ANTXR2: variants seen among roughly 807,000 people sequenced by gnomAD.
ANTXR2 encodes anthrax toxin receptor 2.
In ANTXR2, 44 loss-of-function variants were observed where a neutral mutation model predicts 73.7. That is an observed-to-expected ratio of 0.60 (90% CI 0.47 to 0.77). The LOEUF (loss-of-function observed/expected upper bound fraction) is 0.77. Ranked by LOEUF, ANTXR2 falls within the 30% of genes least tolerant of loss-of-function variation. ANTXR2 has a pLI of 0.00. For synonymous variants in ANTXR2, 217 were observed against 205.9 expected (o/e 1.05, Z -0.46); for missense variants, 604 against 592.5 (o/e 1.02, Z -0.20).
At chr4:79,980,934 AAAAAAAAAG>A (rs1188711183) in intron 14 of ANTXR2, among the ~76,000 whole-genome samples, 4 of 149,596 alleles carry the variant, frequency 2.7e-5, no homozygotes, top group African/African-American at 4.9e-5. Context: ...AAAAAAAAAA[AAAAAAAAAG>A]AGAAGTACCT....
intron 13 of ANTXR2, among the ~76,000 whole-genome samples, 181 bp downstream of exon 13, chr4:79,984,638 A>G (rs1329725067): frequency 6.6e-6 from 1 of 152,148 alleles, no homozygotes; most frequent in African/African-American, 2.4e-5. Flanking sequence ...TGAAGTTCCC[A>G]TTCCTCTAGC....
chr4:79,989,616 T>C (rs567587118), intron 12 of ANTXR2, among the ~76,000 whole-genome samples: 1 of 152,184 alleles, frequency 6.6e-6, no homozygotes, highest in East Asian at 1.9e-4. Flanking sequence ...AAGGGACACC[T>C]CCATAACTCA....
chr4:80,058,744 G>A (rs886738848), intron 3 of ANTXR2, among the ~76,000 whole-genome samples: 1 of 151,672 alleles, frequency 6.6e-6, no homozygotes, highest in South Asian at 2.1e-4. Flanking sequence ...AGAAAGAAAG[G>A]TTATGTTATA....
chr4:79,990,383 C>CAAAAAAAAAAAAAAAAAAAAAAAA (rs70944757), intron 12 of ANTXR2, among the ~76,000 whole-genome samples: 3 of 76,930 alleles, frequency 3.9e-5, no homozygotes, highest in Non-Finnish European at 7.5e-5. Flanking sequence ...ACAACAGTTA[C>CAAAAAAAAAAAAAAAAAAAAAAAA]AAAAAAAAAA....
intron 7 of ANTXR2, among the ~76,000 whole-genome samples, chr4:80,054,022 C>A (rs192377434): frequency 4.6e-5 from 7 of 151,756 alleles, no homozygotes; most frequent in Non-Finnish European, 1.0e-4. Flanking sequence ...GTGTCTGAGA[C>A]TTAAAATCTT....
At chr4:80,064,916 G>T (rs560174370) in intron 3 of ANTXR2, among the ~76,000 whole-genome samples, 162 of 152,326 alleles carry the variant, frequency 1.1e-3, no homozygotes, top group Admixed American at 1.9e-3. Flanking sequence ...AAGCATGAGA[G>T]TGGAATATCG....
intron 16 of ANTXR2, among the ~76,000 whole-genome samples, chr4:79,974,433 G>A (rs1054224947): frequency 2.0e-5 from 3 of 152,102 alleles, no homozygotes; most frequent in African/African-American, 7.2e-5. Flanking sequence ...AAATAGCACA[G>A]AGTGGAAAAA....
intron 8 of ANTXR2, 146 bp downstream of exon 8, chr4:80,035,826 G>A: frequency 1.6e-6 from 1 of 641,988 alleles, no homozygotes; most frequent in Non-Finnish European, 2.7e-6. Context: ...AATATTTCAA[G>A]GAATTATTTA....
At chr4:80,071,901 C>T (rs1734806583) in intron 1 of ANTXR2, among the ~76,000 whole-genome samples, 1 of 151,966 alleles carries the variant, frequency 6.6e-6, no homozygotes, top group Non-Finnish European at 1.5e-5. Flanking sequence ...TGGGTAAATA[C>T]CTGCCTAATT....
intron 7 of ANTXR2, among the ~76,000 whole-genome samples, chr4:80,038,803 A>G (rs1733100671): frequency 6.6e-6 from 1 of 152,080 alleles, no homozygotes; most frequent in African/African-American, 2.4e-5. Flanking sequence ...ATGTTATCTA[A>G]TTGAATTTCC....
At chr4:79,979,694 G>A (rs897828121) in intron 14 of ANTXR2, among the ~76,000 whole-genome samples, 20 of 152,130 alleles carry the variant, frequency 1.3e-4, no homozygotes, top group African/African-American at 4.8e-4. Flanking sequence ...GAGCTAGATA[G>A]TTGGCTTTCT....
chr4:80,055,256 A>T (rs1733939058), intron 5 of ANTXR2, 38 bp from the exon 6 acceptor site: 2 of 1,549,760 alleles, frequency 1.3e-6, no homozygotes, highest in South Asian at 2.3e-5. Flanking sequence ...AAAAAAAGAG[A>T]GGGGAGAGGG....
At chr4:79,954,148 G>A (rs150642411) in intron 16 of ANTXR2, among the ~76,000 whole-genome samples, 13 of 152,140 alleles carry the variant, frequency 8.5e-5, no homozygotes, top group Admixed American at 7.9e-4. Flanking sequence ...CATGAATCTG[G>A]CAACTTGAGA....
chr4:79,955,758 G>A (rs763241245), intron 16 of ANTXR2, among the ~76,000 whole-genome samples: 17 of 152,044 alleles, frequency 1.1e-4, no homozygotes, highest in African/African-American at 1.7e-4. Flanking sequence ...AATTTGCGCC[G>A]GACTGAAGCT....
intron 16 of ANTXR2, among the ~76,000 whole-genome samples, chr4:79,951,642 C>T (rs1490721375): frequency 6.6e-6 from 1 of 151,862 alleles, no homozygotes; most frequent in South Asian, 2.1e-4. Context: ...TAGATTTATT[C>T]TCTATTATTT....
intron 14 of ANTXR2, among the ~76,000 whole-genome samples, 168 bp from the exon 15 acceptor site, chr4:79,978,342 C>G (rs1333725777): frequency 6.7e-6 from 1 of 150,346 alleles, no homozygotes; most frequent in Non-Finnish European, 1.5e-5. Flanking sequence ...TTTCTCACCA[C>G]TCCTGACTGT....
rs1392381019 is a variant in ANTXR2, at chr4:79,906,385, C to T, written c.*1044G>A. On this transcript the variant is annotated 3_prime_UTR_variant, in exon 17 of 17. Coordinates refer to ENST00000403729, the MANE Select transcript of ANTXR2 (RefSeq NM_058172.6). ...TGAGCAAAATCTTCACAGGCTGCTG[C>T]TTGCTGTTGCTTTTAATTATATTAA... 1 of 152,674 alleles carries T rather than the reference C, an allele frequency of 6.5e-6. No individual in the cohort carries two copies. The highest frequency in any genetic ancestry group is 2.4e-5 in the African/African-American group (1 of 41,556). 9.5% of individuals were successfully genotyped at this position (152,674 alleles called of 1,614,324 possible). A position where few individuals can be genotyped will look rare whatever the true frequency, so the allele number is the denominator to read the frequency against.
At chr4:80,003,939 A>G (rs889288201) in intron 12 of ANTXR2, among the ~76,000 whole-genome samples, 2 of 152,116 alleles carry the variant, frequency 1.3e-5, no homozygotes, top group East Asian at 1.9e-4. Flanking sequence ...ACTTAAGTTT[A>G]TGTAAAAACC....
chr4:80,038,908 C>A (rs924213492), intron 7 of ANTXR2, among the ~76,000 whole-genome samples: 4 of 151,960 alleles, frequency 2.6e-5, no homozygotes, highest in African/African-American at 9.7e-5. Flanking sequence ...AACTCTTCTA[C>A]TAGAAAACAA....
Sources: gnomAD v4.1 joint callset for allele counts (sites outside exome capture counted in the v4.1 genomes callset) on GRCh38, gnomAD v4.1.1 for gene constraint, MANE v1.5 for transcripts, NCBI Gene and HGNC (gene_info 2026-07-23, HGNC 2026-07-21) for gene names.